The following PRKCH variants were observed in gnomAD, a reference collection of about 807,000 sequenced individuals.
PRKCH encodes protein kinase C eta.
Under a neutral mutation model 82.5 loss-of-function variants are expected in PRKCH, and 28 were observed. The observed-to-expected ratio is 0.34, with a 90% CI of 0.25 to 0.47. The LOEUF (loss-of-function observed/expected upper bound fraction) is 0.47. Ranked by LOEUF, PRKCH falls within the 20% of genes least tolerant of loss-of-function variation. The pLI is 1.00. For missense variants in PRKCH, 705 were observed against 881.8 expected (o/e 0.80, Z 2.54); for synonymous variants, 322 against 327.4 (o/e 0.98, Z 0.18).
At chr14:61,503,233 T>G (rs1667378247) in intron 10 of PRKCH, among the ~76,000 whole-genome samples, 1 of 151,814 alleles carries the variant, frequency 6.6e-6, no homozygotes, top group Admixed American at 6.6e-5. Context: ...ATAGACAGGT[T>G]CAAACCCGTC....
chr14:61,202,656 C>A (rs1296039925), intron 1 of PRKCH, among the ~76,000 whole-genome samples: 2 of 151,982 alleles, frequency 1.3e-5, no homozygotes, highest in Non-Finnish European at 2.9e-5. Flanking sequence ...CCATTTTAAT[C>A]ATCACAATAG....
Position 61,541,299 on chromosome 14 carries a change from C to T in PRKCH, c.1762-6444C>T, listed in dbSNP as rs528897809. Among the ~76,000 whole-genome samples the T allele has an allele frequency of 2.6e-5, 4 of 152,398 alleles. No individual in the cohort carries two copies. In the South Asian group the frequency reaches 6.2e-4, roughly 24 times the overall value. The stretch of plus-strand genomic sequence containing the variant: ...CAACACGCATGCGTGGTGTGCTTCT[C>T]GTCAGCCCCAGGTGGCCATTAGGGT... On this transcript the variant is annotated intron_variant, in intron 12 of 13. Transcript: ENST00000332981.
chr14:61,463,571 C>T (rs1346317540), intron 9 of PRKCH, among the ~76,000 whole-genome samples: 4 of 152,058 alleles, frequency 2.6e-5, no homozygotes, highest in African/African-American at 9.7e-5. Context: ...TAGTTTGTGA[C>T]TAATTTGATA....
chr14:61,231,138 T>C (rs567434688), intron 1 of PRKCH, among the ~76,000 whole-genome samples: 1 of 152,358 alleles, frequency 6.6e-6, no homozygotes, highest in South Asian at 2.1e-4. Context: ...TCTCCAACAC[T>C]GAACAGCTAG....
chr14:61,321,249 G>A (rs553069174), upstream of PRKCH, among the ~76,000 whole-genome samples: 1 of 152,362 alleles, frequency 6.6e-6, no homozygotes, highest in Admixed American at 6.5e-5. This position sits in a 1 kb window ranked among gnomAD's most constrained non-coding sequence, Gnocchi z 4.1. Flanking sequence ...GAGAGGGGGC[G>A]GGCGACTCCT....
intron 10 of PRKCH, among the ~76,000 whole-genome samples, chr14:61,500,751 C>T (rs1886870351): frequency 1.3e-5 from 2 of 152,054 alleles, no homozygotes. Context: ...ATTTTCCTCT[C>T]AAATCAATCT....
At chr14:61,538,013 G>GTC (rs2043134757) in intron 12 of PRKCH, 1 of 152,236 alleles carries the variant, frequency 6.6e-6, no homozygotes, top group Admixed American at 6.5e-5. Flanking sequence ...AGCATTGACT[G>GTC]TCTTCCTGTT....
At chr14:61,255,396 T>C (rs541126705) in intron 1 of PRKCH, among the ~76,000 whole-genome samples, 2 of 152,214 alleles carry the variant, frequency 1.3e-5, no homozygotes, top group South Asian at 4.1e-4. Flanking sequence ...TGGGAACACA[T>C]TCTTTTGAAG....
intron 1 of PRKCH, among the ~76,000 whole-genome samples, chr14:61,361,784 C>T (rs545149511): frequency 1.3e-5 from 2 of 152,296 alleles, no homozygotes; most frequent in South Asian, 2.1e-4. Flanking sequence ...GGTAAGCTGA[C>T]TCATTTTCAG....
chr14:61,518,253 C>G (rs2042854158), intron 10 of PRKCH, among the ~76,000 whole-genome samples: 2 of 152,152 alleles, frequency 1.3e-5, no homozygotes, highest in Non-Finnish European at 2.9e-5. Flanking sequence ...CTAAGTGCAT[C>G]TATAAGCTGA....
At chr14:61,526,947 A>G (rs550766918) in intron 10 of PRKCH, among the ~76,000 whole-genome samples, 16 of 152,328 alleles carry the variant, frequency 1.1e-4, no homozygotes, top group Middle Eastern at 3.4e-3. Flanking sequence ...TAAAAACCAA[A>G]GTGTAAATGT....
intron 10 of PRKCH, among the ~76,000 whole-genome samples, chr14:61,515,729 G>T (rs1234565355): frequency 6.6e-6 from 1 of 152,104 alleles, no homozygotes. Context: ...TTAATAGTAG[G>T]CATACCTGCC....
chr14:61,201,222 G>A (rs185593985), intron 1 of PRKCH, among the ~76,000 whole-genome samples: 74 of 152,196 alleles, frequency 4.9e-4, no homozygotes, highest in Non-Finnish European at 7.1e-4. Flanking sequence ...TATGTGTCAG[G>A]TACTGTGCTA....
intron 2 of PRKCH, among the ~76,000 whole-genome samples, chr14:61,434,051 C>T (rs886665623): frequency 2.0e-5 from 3 of 152,264 alleles, no homozygotes; most frequent in African/African-American, 2.4e-5. Flanking sequence ...ATCATAGCTA[C>T]GTTGTTCCCT....
At chr14:61,199,521 T>G (rs2044463755) in intron 1 of PRKCH, among the ~76,000 whole-genome samples, 2 of 152,260 alleles carry the variant, frequency 1.3e-5, no homozygotes, top group African/African-American at 4.8e-5. Context: ...TTCCATATTT[T>G]TCATCATCTG....
intron 12 of PRKCH, among the ~76,000 whole-genome samples, chr14:61,541,054 G>C (rs1169796520): frequency 6.6e-6 from 1 of 152,234 alleles, no homozygotes; most frequent in African/African-American, 2.4e-5. Flanking sequence ...CTATGGAAAA[G>C]TGACTTATCA....
At chr14:61,210,028 G>A (rs1431547022) in intron 1 of PRKCH, among the ~76,000 whole-genome samples, 1 of 149,626 alleles carries the variant, frequency 6.7e-6, no homozygotes, top group Admixed American at 6.7e-5. Context: ...CACGAGGTCA[G>A]GAGTTCAAGA....
At chr14:61,531,848 A>G (rs1489350859) in intron 12 of PRKCH, among the ~76,000 whole-genome samples, 1 of 152,240 alleles carries the variant, frequency 6.6e-6, no homozygotes, top group Non-Finnish European at 1.5e-5. Context: ...AGAGGAAACC[A>G]TAAATATGGC....
chr14:61,233,915 T>C (rs2044765741), intron 1 of PRKCH, among the ~76,000 whole-genome samples: 1 of 152,224 alleles, frequency 6.6e-6, no homozygotes, highest in Non-Finnish European at 1.5e-5. Flanking sequence ...TTTTCCCTTA[T>C]TCCATAACCC....
Sources: allele counts gnomAD v4.1 joint callset (sites outside exome capture counted in the v4.1 genomes callset), GRCh38; gene constraint gnomAD v4.1.1; non-coding constraint Gnocchi (gnomAD v3.1); transcripts MANE v1.5; gene names NCBI Gene and HGNC (gene_info 2026-07-23, HGNC 2026-07-21).